L2HGDH: variants seen among roughly 807,000 people sequenced by gnomAD.
L2HGDH encodes L-2-hydroxyglutarate dehydrogenase.
In L2HGDH, 34 loss-of-function variants were observed where a neutral mutation model predicts 51.5. The observed-to-expected ratio is 0.66, with a 90% CI of 0.50 to 0.88. The LOEUF (loss-of-function observed/expected upper bound fraction) is 0.88. Among genes scored for constraint, L2HGDH ranks in the 40% least tolerant of loss-of-function variants. L2HGDH has a pLI of 0.00. For missense variants in L2HGDH, 558 were observed against 571.9 expected, an observed-to-expected ratio of 0.98 and a Z score of 0.25; for synonymous variants, 198 against 197.9, an observed-to-expected ratio of 1.00 and a Z score of -0.01.
At chr14:50,252,975 G>C (rs1243736198) in intron 9 of L2HGDH, among the ~76,000 whole-genome samples, 1 of 152,078 alleles carries the variant, frequency 6.6e-6, no homozygotes, top group East Asian at 1.9e-4. Context: ...AATGGCTGCA[G>C]AATACACATT....
In L2HGDH at chr14:50,282,118, G is replaced by A. The variant is rs554531098; in HGVS notation, c.703+1753C>T. On this transcript the variant is annotated intron_variant, in intron 5 of 9. Transcript: ENST00000267436. ...GCCTCCCAAAGTGCTGGGATTACAGGTGTGAGCCACTGCACCTAGCCTAGA... is the reference window on the plus strand; with the variant it reads ...GCCTCCCAAAGTGCTGGGATTACAGATGTGAGCCACTGCACCTAGCCTAGA... Among the ~76,000 whole-genome samples the A allele has an allele frequency of 1.6e-4, 24 of 152,232 alleles. No homozygotes were observed. The East Asian group carries it at 4.6e-3, about 29-fold the overall frequency.
chr14:50,289,633 T>C (rs1335108908), intron 4 of L2HGDH, among the ~76,000 whole-genome samples: 2 of 152,084 alleles, frequency 1.3e-5, no homozygotes, highest in African/African-American at 4.8e-5. Flanking sequence ...AGTCCCCAAA[T>C]ATTTCAAACA....
At position 50,258,199 on chromosome 14, in the gene L2HGDH, C is replaced by G. The variant is rs1447393514; in HGVS notation, c.1196+7159G>C. On this transcript the variant is annotated intron_variant, in intron 9 of 9. Coordinates refer to ENST00000267436, the MANE Select transcript of L2HGDH (RefSeq NM_024884.3). ...GTTTCATCTATGTACCAATCCAACACCAATGTCTCTCCACTGGGTTATTTT... is the reference window on the plus strand; with the variant it reads ...GTTTCATCTATGTACCAATCCAACAGCAATGTCTCTCCACTGGGTTATTTT... 2.6e-5 allele frequency among the ~76,000 whole-genome samples: 4 copies of G among 151,950 alleles called. No individual in the cohort carries two copies. The South Asian group carries it at 8.3e-4, about 32-fold the overall frequency.
chr14:50,269,917 T>A (rs1889572337), intron 6 of L2HGDH, among the ~76,000 whole-genome samples: 1 of 152,204 alleles, frequency 6.6e-6, no homozygotes, highest in Admixed American at 6.5e-5. Flanking sequence ...ATCCATAACA[T>A]CTCTGGCACT....
At position 50,242,715 on chromosome 14, in the gene L2HGDH, T is replaced by C. The variant is rs1429462822; in HGVS notation, c.*4343A>G. 1 of 985,332 alleles carries C rather than the reference T, an allele frequency of 1.0e-6. No homozygotes were observed. The highest frequency in any genetic ancestry group is 1.2e-6 in the Non-Finnish European group (1 of 829,942). The allele number at this position is 985,332 out of a possible 1,614,324, so 61.0% of individuals were successfully genotyped here. On this transcript the variant is annotated 3_prime_UTR_variant, in exon 10 of 10. Coordinates refer to ENST00000267436, the MANE Select transcript of L2HGDH (RefSeq NM_024884.3). ...TCTACCTTAAGCCCTGATGAAGAGA[T>C]TTCAAAAACTCCCTTTGAGTGTGTT...
intron 8 of L2HGDH, 116 bp downstream of exon 8, chr14:50,267,637 A>G (rs1889420948): frequency 1.3e-6 from 1 of 786,636 alleles, no homozygotes; most frequent in African/African-American, 1.7e-5. Flanking sequence ...ACAACATTCA[A>G]TATACCAATC....
intron 9 of L2HGDH, among the ~76,000 whole-genome samples, chr14:50,258,793 G>A (rs915842733): frequency 6.6e-6 from 1 of 151,404 alleles, no homozygotes; most frequent in Admixed American, 6.6e-5. Flanking sequence ...GATTGCAGGC[G>A]TGAGCCCATG....
intron 4 of L2HGDH, among the ~76,000 whole-genome samples, chr14:50,291,758 T>G (rs1338995452): frequency 6.6e-6 from 1 of 152,210 alleles, no homozygotes; most frequent in South Asian, 2.1e-4. Flanking sequence ...CTTGTCTTTT[T>G]GCAGAAAGGA....
intron 6 of L2HGDH, among the ~76,000 whole-genome samples, chr14:50,275,246 G>C (rs1471832213): frequency 1.3e-5 from 2 of 152,180 alleles, no homozygotes; most frequent in African/African-American, 4.8e-5. Context: ...ATGGTAGCAA[G>C]GATGGAGGTG....
At chr14:50,248,517 T>C (rs1193279893) in intron 9 of L2HGDH, among the ~76,000 whole-genome samples, 2 of 152,220 alleles carry the variant, frequency 1.3e-5, no homozygotes, top group East Asian at 3.8e-4. Flanking sequence ...ACACAGTTTA[T>C]ATTTAACAGC....
At chr14:50,276,863 G>A (rs574901421) in intron 6 of L2HGDH, among the ~76,000 whole-genome samples, 4 of 152,138 alleles carry the variant, frequency 2.6e-5, no homozygotes. Context: ...CTCAACCTCA[G>A]TACTACTGAC....
chr14:50,259,939 G>A (rs1047456057), intron 9 of L2HGDH, among the ~76,000 whole-genome samples: 8 of 151,468 alleles, frequency 5.3e-5, no homozygotes, highest in Non-Finnish European at 7.4e-5. Flanking sequence ...TTGAATTAGA[G>A]GGGGTGGGGA....
intron 3 of L2HGDH, among the ~76,000 whole-genome samples, chr14:50,298,321 C>CT (rs902518704): frequency 2.6e-4 from 38 of 143,696 alleles, no homozygotes; most frequent in South Asian, 4.6e-4. Flanking sequence ...GGTGGGAGGA[C>CT]TTTTTTTTTT....
chr14:50,301,895 G>A, intron 3 of L2HGDH, 122 bp downstream of exon 3: 1 of 996,082 alleles, frequency 1.0e-6, no homozygotes, highest in Non-Finnish European at 1.5e-6. Context: ...TATTCCCTAA[G>A]ATTAGATTTG....
chr14:50,254,563 G>A (rs1888550587), intron 9 of L2HGDH, among the ~76,000 whole-genome samples: 1 of 152,030 alleles, frequency 6.6e-6, no homozygotes, highest in Non-Finnish European at 1.5e-5. Context: ...AAACTCTGCT[G>A]TATAGAGAAT....
chr14:50,279,592 C>T (rs1890149029), intron 5 of L2HGDH, among the ~76,000 whole-genome samples: 1 of 151,590 alleles, frequency 6.6e-6, no homozygotes, highest in South Asian at 2.1e-4. Flanking sequence ...GTAATCCCAG[C>T]ATTTTGGGAG....
chr14:50,268,379 A>AG lies in L2HGDH; in HGVS notation c.907-470dup, dbSNP rs1889466626. 1.7e-4 allele frequency among the ~76,000 whole-genome samples: 24 copies of AG among 141,244 alleles called. No individual in the cohort carries two copies. The South Asian group carries it at 6.0e-3, about 35-fold the overall frequency. 92.7% of individuals were successfully genotyped at this position (141,244 alleles called of 152,430 possible). A position where few individuals can be genotyped will look rare whatever the true frequency, so the allele number is the denominator to read the frequency against. On this transcript the variant is annotated intron_variant, in intron 7 of 9. Coordinates refer to ENST00000267436, the MANE Select transcript of L2HGDH (RefSeq NM_024884.3). ...GGGCAACAGAGTGAGAATCTGTCTC[A>AG]GGAAAAAAAAAAAAAAAAAAAAGAA...
Position 50,245,296 on chromosome 14 carries a change from G to A in L2HGDH, c.*1762C>T. On this transcript the variant is annotated 3_prime_UTR_variant, in exon 10 of 10. Transcript: ENST00000267436. ...AGATAAATAACTTTTTTAAATTGGA[G>A]TTCTATACATCAGTGTCAGGATTCT... The A allele has an allele frequency of 1.0e-6, 1 of 984,762 alleles. No homozygotes were observed. The highest frequency in any genetic ancestry group is 1.2e-6 in the Non-Finnish European group (1 of 829,388). 61.0% of individuals were successfully genotyped at this position (984,762 alleles called of 1,614,324 possible). A position where few individuals can be genotyped will look rare whatever the true frequency, so the allele number is the denominator to read the frequency against.
chr14:50,297,344 CATAT>C (rs2030117673), intron 3 of L2HGDH, among the ~76,000 whole-genome samples: 1 of 150,850 alleles, frequency 6.6e-6, no homozygotes, highest in South Asian at 2.1e-4. Flanking sequence ...CATGATCCTG[CATAT>C]AGTAAAGCCT....
Sources: allele counts gnomAD v4.1 joint callset (sites outside exome capture counted in the v4.1 genomes callset), GRCh38; gene constraint gnomAD v4.1.1; transcripts MANE v1.5; gene names NCBI Gene and HGNC (gene_info 2026-07-23, HGNC 2026-07-21).